STX12: variants seen among roughly 807,000 people sequenced by gnomAD.
STX12 encodes syntaxin 12.
A neutral mutation model predicts 42.2 loss-of-function variants in STX12; 17 were observed. That is an observed-to-expected ratio of 0.40 (90% CI 0.28 to 0.60). The LOEUF (loss-of-function observed/expected upper bound fraction) is 0.60. STX12 is among the 20% of genes least tolerant of loss of function. STX12 has a pLI of 0.39. For missense variants in STX12, 297 were observed against 330.9 expected, an observed-to-expected ratio of 0.90 and a Z score of 0.79; for synonymous variants, 108 against 116.7, an observed-to-expected ratio of 0.93 and a Z score of 0.48.
Position 27,773,427 on chromosome 1 carries a change from T to TGAGCCGGGGTACC in STX12, c.118+7_118+19dup, listed in dbSNP as rs1165437847. On this transcript the variant is annotated splice_region_variant and intron_variant, in intron 1 of 8. Coordinates refer to ENST00000373943, the MANE Select transcript of STX12 (RefSeq NM_177424.3). Reference sequence around the variant, plus strand: ...ACATCCAGCGGATCAGCCAAGCCAGTGAGCCGGGGTACCGAGCTGGGGGGC... The same window carrying TGAGCCGGGGTACC: ...ACATCCAGCGGATCAGCCAAGCCAGTGAGCCGGGGTACCGAGCCGGGGTACCGAGCTGGGGGGC... 1 of 1,613,370 alleles carries TGAGCCGGGGTACC rather than the reference T, an allele frequency of 6.2e-7. No individual in the cohort carries two copies. The highest frequency in any genetic ancestry group is 1.3e-5 in the African/African-American group (1 of 75,004).
intron 4 of STX12, among the ~76,000 whole-genome samples, chr1:27,808,811 A>G (rs1221112618): frequency 6.6e-6 from 1 of 152,190 alleles, no homozygotes; most frequent in Admixed American, 6.5e-5. Flanking sequence ...ATCCTGGTGA[A>G]TTCTCTTTTA....
intron 4 of STX12, among the ~76,000 whole-genome samples, chr1:27,808,076 G>A (rs1289838657): frequency 2.0e-5 from 3 of 152,118 alleles, no homozygotes; most frequent in Non-Finnish European, 4.4e-5. Flanking sequence ...GAGGGATGGA[G>A]TTGTGATTGG....
intron 4 of STX12, among the ~76,000 whole-genome samples, chr1:27,808,829 A>T (rs966765376): frequency 2.0e-5 from 3 of 152,186 alleles, no homozygotes; most frequent in Non-Finnish European, 4.4e-5. Context: ...TTAAAGTAGC[A>T]CTATATGCTT....
chr1:27,808,652 T>C (rs1017284840), intron 4 of STX12, among the ~76,000 whole-genome samples: 3 of 152,116 alleles, frequency 2.0e-5, no homozygotes, highest in Non-Finnish European at 4.4e-5. Flanking sequence ...CCAGCCTGTT[T>C]TTAAATTATA....
intron 5 of STX12, among the ~76,000 whole-genome samples, chr1:27,811,809 G>A (rs770170020): frequency 2.7e-4 from 41 of 152,316 alleles, no homozygotes; most frequent in African/African-American, 7.2e-4. Context: ...TGCCCTGGAA[G>A]ATGATGGTGC....
intron 3 of STX12, among the ~76,000 whole-genome samples, chr1:27,796,291 C>T (rs2088785305): frequency 6.6e-6 from 1 of 152,154 alleles, no homozygotes; most frequent in Non-Finnish European, 1.5e-5. Flanking sequence ...CTATCTTATA[C>T]ATCAAACCAT....
chr1:27,778,943 G>C (rs781198396), intron 1 of STX12, among the ~76,000 whole-genome samples: 1 of 152,134 alleles, frequency 6.6e-6, no homozygotes, highest in African/African-American at 2.4e-5. Context: ...AAGTTTTTTA[G>C]AGACGGGGGT....
At position 27,801,712 on chromosome 1, in the gene STX12, A is replaced by G. The variant is rs1286499559; in HGVS notation, c.323A>G (p.Asn108Ser). The change falls in exon 4 of 9, where the codon AAT (asparagine) becomes AGT (serine). Residue 108 changes from asparagine (N) to serine (S), a missense_variant. By Grantham distance (46) the Asn-to-Ser change is conservative (BLOSUM62 1). Coordinates refer to ENST00000373943, the MANE Select transcript of STX12 (RefSeq NM_177424.3). Reference protein sequence around the residue: ...QQRLQKERLMNDFSAALNNFQ... With the variant: ...QQRLQKERLMSDFSAALNNFQ... ...AGACTTCAGAAGGAACGCCTCATGA[A>G]TGACTTCTCTGCAGCCTTAAACAAT... 4 of 1,569,346 alleles carry G rather than the reference A, an allele frequency of 2.5e-6. No individual in the cohort carries two copies. The highest frequency in any genetic ancestry group is 3.4e-6 in the Non-Finnish European group (4 of 1,164,532).
intron 4 of STX12, among the ~76,000 whole-genome samples, chr1:27,806,478 A>G (rs766783217): frequency 1.8e-4 from 28 of 152,218 alleles, no homozygotes; most frequent in Non-Finnish European, 3.5e-4. Context: ...TTCTTTATGC[A>G]GCAGAAGTAC....
At position 27,791,954 on chromosome 1, in the gene STX12, G is replaced by A. The variant is rs927204136; in HGVS notation, c.189-1579G>A. On this transcript the variant is annotated intron_variant, in intron 2 of 8. Coordinates refer to ENST00000373943, the MANE Select transcript of STX12 (RefSeq NM_177424.3). ...AGCCAAGATCGCGCCACAGCACTCC[G>A]GCCTGGCGACAGAGCAAGACTCCAT... 7.4e-5 allele frequency among the ~76,000 whole-genome samples: 11 copies of A among 148,822 alleles called. No individual in the cohort carries two copies. In the East Asian group the frequency reaches 7.8e-4, roughly 11 times the overall value.
chr1:27,798,070 A>G (rs2088798844), intron 3 of STX12, among the ~76,000 whole-genome samples: 2 of 152,302 alleles, frequency 1.3e-5, no homozygotes, highest in East Asian at 1.9e-4. Flanking sequence ...TGTATAGATA[A>G]ATGAATTATT....
In STX12 at chr1:27,805,287, C is replaced by T. The variant is rs201296444; in HGVS notation, c.426+3472C>T. ...TTTTAGATGTTTGTTTATTCATTTA[C>T]AAATAATACACTTATTACATATTAA... On this transcript the variant is annotated intron_variant, in intron 4 of 8. Coordinates refer to ENST00000373943, the MANE Select transcript of STX12 (RefSeq NM_177424.3). Among the ~76,000 whole-genome samples the T allele has an allele frequency of 5.9e-5, 9 of 151,964 alleles. No homozygotes were observed. In the East Asian group the frequency reaches 1.5e-3, roughly 26 times the overall value.
rs375125048 is a variant in STX12, at chr1:27,793,515, A to G, written c.189-18A>G. On this transcript the variant is annotated intron_variant, in intron 2 of 8. Coordinates refer to ENST00000373943, the MANE Select transcript of STX12 (RefSeq NM_177424.3). ...TCAAGAAGTGACAACATCCTGAAAC[A>G]TATCTTTTCTCTCTTAGGCAACAGT... 11 of 1,607,822 alleles carry G rather than the reference A, an allele frequency of 6.8e-6. No homozygotes were observed. The highest frequency in any genetic ancestry group is 2.2e-5 in the East Asian group (1 of 44,858).
intron 3 of STX12, 47 bp downstream of exon 3, chr1:27,793,679 A>C: frequency 5.3e-6 from 8 of 1,510,990 alleles, no homozygotes; most frequent in Non-Finnish European, 7.3e-6. Flanking sequence ...ACTTTGTGTT[A>C]GTAGAAAGGC....
chr1:27,803,446 G>A (rs2088839355), intron 4 of STX12, among the ~76,000 whole-genome samples: 1 of 152,148 alleles, frequency 6.6e-6, no homozygotes, highest in Non-Finnish European at 1.5e-5. Flanking sequence ...GCCTACCTAG[G>A]ATTCTAAACC....
At chr1:27,816,802 G>A (rs1370538002) in intron 6 of STX12, among the ~76,000 whole-genome samples, 2 of 151,984 alleles carry the variant, frequency 1.3e-5, no homozygotes, top group Non-Finnish European at 2.9e-5. Context: ...TGTAATCCCA[G>A]CTACTCAGGA....
At chr1:27,801,994 C>A in intron 4 of STX12, 179 bp downstream of exon 4, 1 of 542,718 alleles carries the variant, frequency 1.8e-6, no homozygotes, top group Non-Finnish European at 3.0e-6. Context: ...AGAAAGGAAT[C>A]TGAATGAAGG....
At chr1:27,815,557 A>G (rs779517635) in intron 6 of STX12, among the ~76,000 whole-genome samples, 3 of 151,570 alleles carry the variant, frequency 2.0e-5, no homozygotes, top group Non-Finnish European at 2.9e-5. Flanking sequence ...CCTATATAGT[A>G]CTCTTCCTTC....
chr1:27,775,393 C>A (rs556182515), intron 1 of STX12, among the ~76,000 whole-genome samples: 2 of 152,246 alleles, frequency 1.3e-5, no homozygotes, highest in Admixed American at 6.5e-5. Context: ...TGCCTCAGCC[C>A]TACAAGTAGC....
Sources: allele counts gnomAD v4.1 joint callset (sites outside exome capture counted in the v4.1 genomes callset), GRCh38; gene constraint gnomAD v4.1.1; transcripts MANE v1.5; gene names NCBI Gene and HGNC (gene_info 2026-07-23, HGNC 2026-07-21).